The following OR2L5 variants were observed in gnomAD, a reference collection of about 807,000 sequenced individuals.
OR2L5 encodes olfactory receptor family 2 subfamily L member 5.
For missense variants in OR2L5, 413 were observed against 381.6 expected (o/e 1.08, Z -0.69); for synonymous variants, 169 against 142.0 (o/e 1.19, Z -1.35).
Position 248,022,045 on chromosome 1 carries a change from T to C in OR2L5, c.98T>C (p.Ile33Thr), listed in dbSNP as rs1212094012. The stretch of plus-strand genomic sequence containing the variant: ...TTCCTCTTCATTCTCTTTGTTCTCA[T>C]TTTCCTAATGGCTCTAATTGGAAAC... ...GLFLFILFVL[I>T]FLMALIGNLS... is the part of the protein sequence containing the mutation. The change falls in exon 2 of 2, where the codon ATT becomes ACT. Residue 33 changes from isoleucine to threonine, a missense_variant. Coordinates refer to ENST00000355281, the MANE Select transcript of OR2L5 (RefSeq NM_001258284.2). The C allele has an allele frequency of 1.2e-6, 2 of 1,613,992 alleles. No homozygotes were observed. Among genetic ancestry groups the C allele is most frequent in the Admixed American group, 3.3e-5 (2 of 60,012 alleles).
chr1:248,019,426 C>T (rs1244519245), intron 1 of OR2L5, among the ~76,000 whole-genome samples: 1 of 152,118 alleles, frequency 6.6e-6, no homozygotes, highest in Non-Finnish European at 1.5e-5. Context: ...CATCATAAAT[C>T]GAGAAGCCTC....
chr1:248,022,580 T>C lies in OR2L5; in HGVS notation c.633T>C (p.Thr211=). The C allele has an allele frequency of 6.2e-7, 1 of 1,614,216 alleles. No individual in the cohort carries two copies. Among genetic ancestry groups the C allele is most frequent in the Non-Finnish European group, 8.5e-7 (1 of 1,180,038 alleles). ...CCATCTTTCTTGTGTTTCCCTTCAC[T>C]GGCATTGCGTGTTCCTATGGCTGGG... The part of the protein sequence containing the change: ...SSTIFLVFPF[T]GIACSYGWVL... Residue 211 remains threonine, a synonymous_variant, in exon 2 of 2, where the codon ACT becomes ACC. Coordinates refer to ENST00000355281, the MANE Select transcript of OR2L5 (RefSeq NM_001258284.2).
chr1:248,020,222 C>A (rs1217435505), intron 1 of OR2L5, among the ~76,000 whole-genome samples: 1 of 152,106 alleles, frequency 6.6e-6, no homozygotes, highest in Non-Finnish European at 1.5e-5. Context: ...GAAGTCCTAG[C>A]CAGAGCAGTC....
Position 248,013,675 on chromosome 1 carries a change from G to A in OR2L5, c.-85G>A, listed in dbSNP as rs1166037969. On this transcript the variant is annotated 5_prime_UTR_variant, in exon 1 of 2. The change abolishes an upstream ATG in the 5' untranslated region. Transcript: ENST00000355281. ...AGAAAAATGACTTTGTTCATATGAT[G>A]ACTATACGACTGCTGGCAGCCAACA... 1 of 152,136 alleles carries A rather than the reference G, an allele frequency of 6.6e-6. No homozygotes were observed. Among genetic ancestry groups the A allele is most frequent in the Non-Finnish European group, 1.5e-5 (1 of 68,012 alleles). The allele number at this position is 152,136 out of a possible 1,614,324, so 9.4% of individuals were successfully genotyped here.
chr1:248,020,209 C>A (rs956842671), intron 1 of OR2L5, among the ~76,000 whole-genome samples: 1 of 152,104 alleles, frequency 6.6e-6, no homozygotes, highest in Admixed American at 6.6e-5. Context: ...CCACATAGTA[C>A]TGGAAGTCCT....
intron 1 of OR2L5, among the ~76,000 whole-genome samples, chr1:248,019,726 C>CT (rs2103076362): frequency 6.7e-6 from 1 of 150,038 alleles, no homozygotes; most frequent in Non-Finnish European, 1.5e-5. Context: ...CGTCCTCCTC[C>CT]TCCTTCCTTC....
rs981778199 is a variant in OR2L5 at position 248,023,623 on chromosome 1, G to C, written c.*737G>C. On this transcript the variant is annotated 3_prime_UTR_variant, in exon 2 of 2. Transcript: ENST00000355281. Reference sequence around the variant, plus strand: ...TTTTTCTACTTACTCTTCAAAATCAGCAAGTCTATACATCTTGGATTGGGA... The same window carrying C: ...TTTTTCTACTTACTCTTCAAAATCACCAAGTCTATACATCTTGGATTGGGA... The C allele has an allele frequency of 3.9e-5, 6 of 152,154 alleles. No homozygotes were observed. Among genetic ancestry groups the C allele is most frequent in the Admixed American group, 1.3e-4 (2 of 15,258 alleles). The allele number at this position is 152,154 out of a possible 1,614,324, so 9.4% of individuals were successfully genotyped here.
chr1:248,017,524 A>G (rs1662227114), intron 1 of OR2L5, among the ~76,000 whole-genome samples: 1 of 152,184 alleles, frequency 6.6e-6, no homozygotes, highest in Admixed American at 6.5e-5. Context: ...GTAGAAAGAG[A>G]CTTTTTCTTC....
intron 1 of OR2L5, among the ~76,000 whole-genome samples, chr1:248,014,375 C>T (rs1337390222): frequency 6.6e-6 from 1 of 152,002 alleles, no homozygotes; most frequent in Non-Finnish European, 1.5e-5. Context: ...ATTAAGGAAA[C>T]CATATGATTA....
intron 1 of OR2L5, among the ~76,000 whole-genome samples, chr1:248,017,310 CAG>C (rs1225219859): frequency 2.6e-5 from 4 of 152,152 alleles, no homozygotes; most frequent in East Asian, 1.9e-4. Flanking sequence ...ATTACTGAAA[CAG>C]ATGTATAATG....
chr1:248,016,831 G>T (rs1326738741), intron 1 of OR2L5, among the ~76,000 whole-genome samples: 1 of 152,010 alleles, frequency 6.6e-6, no homozygotes, highest in African/African-American at 2.4e-5. Flanking sequence ...GTGTGTTTGT[G>T]TGTGATGTAG....
chr1:248,020,889 A>G (rs1662318763), intron 1 of OR2L5, among the ~76,000 whole-genome samples: 1 of 151,402 alleles, frequency 6.6e-6, no homozygotes, highest in Non-Finnish European at 1.5e-5. Flanking sequence ...ATATGTATAT[A>G]TGGGACCAAC....
chr1:248,021,972 A>T lies in OR2L5; in HGVS notation c.25A>T (p.Thr9Ser), dbSNP rs765308739. The T allele has an allele frequency of 6.2e-7, 1 of 1,613,544 alleles. No homozygotes were observed. The highest frequency in any genetic ancestry group is 1.7e-5 in the Admixed American group (1 of 59,966). ...CATGGAAAATTACAATCAAACGTCAACTGATTTCATCTTATTGGGGCTGTT... is the reference window on the plus strand; with the variant it reads ...CATGGAAAATTACAATCAAACGTCATCTGATTTCATCTTATTGGGGCTGTT... MENYNQTS[T>S]DFILLGLFPP... is the part of the protein sequence containing the mutation. The change falls in exon 2 of 2, where the codon ACT becomes TCT. Residue 9 changes from threonine to serine, a missense_variant. Coordinates refer to ENST00000355281, the MANE Select transcript of OR2L5 (RefSeq NM_001258284.2).
chr1:248,018,077 C>T (rs2103074905), intron 1 of OR2L5, among the ~76,000 whole-genome samples: 1 of 151,366 alleles, frequency 6.6e-6, no homozygotes, highest in East Asian at 1.9e-4. Context: ...ATGGCGTGAA[C>T]CCGGGAGGCG....
rs150617791 is a variant in OR2L5, at chr1:248,018,745, C to T, written c.-21-3182C>T. The stretch of plus-strand genomic sequence containing the variant: ...TTGTGCAACCATCACCACCATGCAT[C>T]TCCAGAACAGTTTCATTTTCTCCAA... On this transcript the variant is annotated intron_variant, in intron 1 of 1. Transcript: ENST00000355281. 2.0e-5 allele frequency among the ~76,000 whole-genome samples: 3 copies of T among 152,304 alleles called. No homozygotes were observed. The East Asian group carries it at 5.8e-4, about 29-fold the overall frequency.
At chr1:248,016,881 C>G (rs190329919) in intron 1 of OR2L5, among the ~76,000 whole-genome samples, 24 of 152,064 alleles carry the variant, frequency 1.6e-4, no homozygotes, top group Admixed American at 8.5e-4. Flanking sequence ...ATTTTGTCAT[C>G]TATAAAATGT....
Position 248,021,238 on chromosome 1 carries a change from G to T in OR2L5, c.-21-689G>T, listed in dbSNP as rs77586975. Reference sequence around the variant, plus strand: ...TATATATTTCTTAGAAAAAATTTTGGTTATAAATATTTGTCTCATCAAATA... The same window carrying T: ...TATATATTTCTTAGAAAAAATTTTGTTTATAAATATTTGTCTCATCAAATA... On this transcript the variant is annotated intron_variant, in intron 1 of 1. Coordinates refer to ENST00000355281, the MANE Select transcript of OR2L5 (RefSeq NM_001258284.2). Among the ~76,000 whole-genome samples the T allele has an allele frequency of 4.8e-3, 725 of 152,132 alleles. 8 individuals are homozygous for T. The highest frequency in any genetic ancestry group is 0.017 in the African/African-American group (701 of 41,496).
intron 1 of OR2L5, among the ~76,000 whole-genome samples, chr1:248,015,437 A>G (rs992391587): frequency 2.0e-5 from 3 of 152,112 alleles, no homozygotes; most frequent in Non-Finnish European, 4.4e-5. Flanking sequence ...AATTCTTACT[A>G]TAGACATGCA....
In OR2L5 at chr1:248,021,909, C is replaced by A. The variant is rs569492844; in HGVS notation, c.-21-18C>A. 6.5e-7 allele frequency: 1 copy of A among 1,531,616 alleles called. No homozygotes were observed. The highest frequency in any genetic ancestry group is 1.4e-5 in the African/African-American group (1 of 73,430). 94.9% of individuals were successfully genotyped at this position (1,531,616 alleles called of 1,614,324 possible). ...TGGGGAACTACTGTACTTGACTTAC[C>A]CTTGTGTCTCCCTTCAGGAAGGATC... On this transcript the variant is annotated intron_variant, in intron 1 of 1. Transcript: ENST00000355281.
Sources: gnomAD v4.1 joint callset for allele counts (sites outside exome capture counted in the v4.1 genomes callset) on GRCh38, gnomAD v4.1.1 for gene constraint, MANE v1.5 for transcripts, NCBI Gene and HGNC (gene_info 2026-07-23, HGNC 2026-07-21) for gene names.